Variants in CMSS1 observed in about 807,000 individuals in gnomAD.
CMSS1 encodes protein CMSS1.
A neutral mutation model predicts 43.5 loss-of-function variants in CMSS1; 33 were observed. That is an observed-to-expected ratio of 0.76 (90% CI 0.57 to 1.01). The LOEUF is 1.01. Among genes scored for constraint, CMSS1 ranks in the 50% least tolerant of loss-of-function variants. The pLI is 0.00. For synonymous variants in CMSS1, 115 were observed against 117.2 expected, an observed-to-expected ratio of 0.98 and a Z score of 0.12; for missense variants, 313 against 326.4, an observed-to-expected ratio of 0.96 and a Z score of 0.32.
rs372620212 is a variant in CMSS1, at chr3:99,834,890, A to T, written c.64+16847A>T. ...CTCAGTTTCCTCTTTTGTAATCTTC[A>T]TCTGGGGATTGAAATACCTACTTGT... On this transcript the variant is annotated intron_variant, in intron 1 of 9. Transcript: ENST00000421999. 1.2e-4 allele frequency among the ~76,000 whole-genome samples: 18 copies of T among 152,234 alleles called. No individual in the cohort carries two copies. The East Asian group carries it at 1.9e-3, about 16-fold the overall frequency.
At position 99,849,937 on chromosome 3, in the gene CMSS1, T is replaced by A. The variant is rs576553372; in HGVS notation, c.64+31894T>A. On this transcript the variant is annotated intron_variant, in intron 1 of 9. Transcript: ENST00000421999. ...CAACATATTAACTCTTGACAGGAGA[T>A]CATTTCCTTTCTCTTCTTCCGCTTT... 31 of 1,613,076 alleles carry A rather than the reference T, an allele frequency of 1.9e-5. No homozygotes were observed. The East Asian group carries it at 5.8e-4, about 30-fold the overall frequency.
chr3:99,946,695 T>C (rs80319684), intron 1 of CMSS1, among the ~76,000 whole-genome samples: 2,522 of 152,332 alleles, frequency 0.017, 41 homozygotes, highest in Middle Eastern at 0.027. Flanking sequence ...TGAGGGATGA[T>C]TGTAGTTTAA....
intron 4 of CMSS1, among the ~76,000 whole-genome samples, chr3:100,165,923 T>G (rs2067062030): frequency 6.6e-6 from 1 of 152,224 alleles, no homozygotes; most frequent in African/African-American, 2.4e-5. Flanking sequence ...TTGCTAATAG[T>G]TGCCATTCTA....
At chr3:100,176,535 A>C (rs571995315) in intron 9 of CMSS1, 120 bp downstream of exon 9, 2 of 644,142 alleles carry the variant, frequency 3.1e-6, no homozygotes, top group South Asian at 2.0e-5. Context: ...AATGATTTCT[A>C]TCTTTTTTAA....
intron 1 of CMSS1, among the ~76,000 whole-genome samples, chr3:100,072,516 A>G (rs940856032): frequency 6.6e-6 from 1 of 152,202 alleles, no homozygotes; most frequent in African/African-American, 2.4e-5. Context: ...GCAGTGGTGC[A>G]ATATCTTGCA....
chr3:100,042,826 G>A (rs988433884), intron 1 of CMSS1, among the ~76,000 whole-genome samples: 2 of 152,250 alleles, frequency 1.3e-5, no homozygotes, highest in African/African-American at 4.8e-5. Flanking sequence ...TACTTCTTAC[G>A]GGAAGCTGGG....
chr3:99,990,829 A>C (rs764867025), intron 1 of CMSS1, among the ~76,000 whole-genome samples: 3 of 152,218 alleles, frequency 2.0e-5, no homozygotes, highest in Non-Finnish European at 2.9e-5. Context: ...TGGAAGAAGC[A>C]AACATTTAAT....
rs573045438 is a variant in CMSS1 at position 100,172,894 on chromosome 3, T to G, written c.667+491T>G. ...ATTCTAGACAACATCCACTGGTGGG[T>G]TTTTATAGTTTGCCAACTTTCTCAA... is the stretch of plus-strand genomic sequence containing the variant. On this transcript the variant is annotated intron_variant, in intron 8 of 9. Coordinates refer to ENST00000421999, the MANE Select transcript of CMSS1 (RefSeq NM_032359.4). 1.2e-4 allele frequency among the ~76,000 whole-genome samples: 19 copies of G among 152,346 alleles called. No homozygotes were observed. In the South Asian group the frequency reaches 3.9e-3, roughly 32 times the overall value.
chr3:99,992,002 A>ATGTGTG (rs1201211092), intron 1 of CMSS1, among the ~76,000 whole-genome samples: 7 of 149,646 alleles, frequency 4.7e-5, no homozygotes, highest in African/African-American at 1.5e-4. Context: ...ACGTATATAT[A>ATGTGTG]TGTGTGTGTG....
chr3:100,120,751 G>T (rs2107491298), intron 1 of CMSS1, among the ~76,000 whole-genome samples: 1 of 149,854 alleles, frequency 6.7e-6, no homozygotes, highest in South Asian at 2.1e-4. Flanking sequence ...TGAGGTGGAG[G>T]TCAGGGAGGC....
chr3:100,003,767 G>T (rs898068238), intron 1 of CMSS1, among the ~76,000 whole-genome samples: 1 of 152,114 alleles, frequency 6.6e-6, no homozygotes, highest in African/African-American at 2.4e-5. Flanking sequence ...GATGCTAAAA[G>T]TCAAGAGCAT....
intron 1 of CMSS1, among the ~76,000 whole-genome samples, chr3:100,119,855 A>T (rs1445076714): frequency 6.6e-6 from 1 of 152,208 alleles, no homozygotes; most frequent in Non-Finnish European, 1.5e-5. Context: ...TAAGAGTGGG[A>T]TTATTTATAT....
At chr3:99,991,264 C>A (rs1182410992) in intron 1 of CMSS1, among the ~76,000 whole-genome samples, 1 of 152,188 alleles carries the variant, frequency 6.6e-6, no homozygotes, top group Non-Finnish European at 1.5e-5. Context: ...AATGGCTGAT[C>A]TACCTGTTTG....
At chr3:100,055,879 C>A (rs953520869) in intron 1 of CMSS1, among the ~76,000 whole-genome samples, 1 of 152,178 alleles carries the variant, frequency 6.6e-6, no homozygotes, top group African/African-American at 2.4e-5. Context: ...TTTTTCATAA[C>A]TACCTTCAAG....
intron 1 of CMSS1, among the ~76,000 whole-genome samples, chr3:99,928,899 G>T (rs534302743): frequency 6.6e-6 from 1 of 152,138 alleles, no homozygotes; most frequent in African/African-American, 2.4e-5. Flanking sequence ...TCCTCACCCC[G>T]TAGAGAAGCA....
At chr3:99,946,067 T>C (rs1576592172) in intron 1 of CMSS1, among the ~76,000 whole-genome samples, 2 of 152,356 alleles carry the variant, frequency 1.3e-5, no homozygotes, top group South Asian at 4.1e-4. Context: ...ATTATGGTCT[T>C]GGTTCATCAG....
chr3:99,855,752 T>C (rs887270874), intron 1 of CMSS1, among the ~76,000 whole-genome samples: 2 of 152,248 alleles, frequency 1.3e-5, no homozygotes, highest in Non-Finnish European at 2.9e-5. Flanking sequence ...TTTGTTCTTA[T>C]ATCTGCCAAA....
At chr3:100,022,900 T>C (rs1378658265) in intron 1 of CMSS1, among the ~76,000 whole-genome samples, 1 of 152,210 alleles carries the variant, frequency 6.6e-6, no homozygotes, top group Admixed American at 6.5e-5. Context: ...CATGCTTTTT[T>C]ATTACACTAC....
chr3:100,158,350 AT>A lies in CMSS1; in HGVS notation c.154-2079del, dbSNP rs780055250. Among the ~76,000 whole-genome samples, 39 of 152,360 alleles carry A rather than the reference AT, an allele frequency of 2.6e-4. No homozygotes were observed. The East Asian group carries it at 7.3e-3, about 29-fold the overall frequency. ...TTCATATAAAGAAATGACATTACTT[AT>A]CAACTGTCAAAGTCACACAGTGTTG... is the stretch of plus-strand genomic sequence containing the variant. On this transcript the variant is annotated intron_variant, in intron 2 of 9. Transcript: ENST00000421999.
Sources: allele counts gnomAD v4.1 joint callset (sites outside exome capture counted in the v4.1 genomes callset), GRCh38; gene constraint gnomAD v4.1.1; transcripts MANE v1.5; gene names NCBI Gene and HGNC (gene_info 2026-07-23, HGNC 2026-07-21).